Variants in TENM2 observed in about 807,000 individuals in gnomAD.
TENM2 encodes the protein teneurin transmembrane protein 2, also known as teneurin-2.
In TENM2, 52 loss-of-function variants were observed where a neutral mutation model predicts 245.2. The observed-to-expected ratio is 0.21, with a 90% confidence interval of 0.17 to 0.27. The LOEUF (loss-of-function observed/expected upper bound fraction) is 0.27, where lower values mean the gene tolerates loss of function less well. Ranked by LOEUF, TENM2 falls within the 10% of genes least tolerant of loss-of-function variation. The pLI is 1.00. For synonymous variants in TENM2, 1,363 were observed against 1,438.9 expected, an observed-to-expected ratio of 0.95 and a Z score of 1.19; for missense variants, 3,046 against 3,666.8, an observed-to-expected ratio of 0.83 and a Z score of 4.37.
At chr5:167,990,959 T>G (rs1370691719) in intron 4 of TENM2, among the ~76,000 whole-genome samples, 1 of 152,218 alleles carries the variant, frequency 6.6e-6, no homozygotes, top group African/African-American at 2.4e-5. Flanking sequence ...GTAGTAGGTC[T>G]GATTAGAGCT....
chr5:167,010,616 TATG>T, the TENM2 span, among the ~76,000 whole-genome samples: 1 of 152,232 alleles, frequency 6.6e-6, no homozygotes, highest in Non-Finnish European at 1.5e-5. Context: ...TCTGCCACGT[TATG>T]ATGATTTAGA....
In TENM2 at chr5:167,778,560, G is replaced by A. The variant is rs541801100; in HGVS notation, c.503-97426G>A. On this transcript the variant is annotated intron_variant, in intron 2 of 28. Coordinates refer to ENST00000518659, the Ensembl canonical transcript of TENM2. ...GTTTCAGCAAGAGTGTTAGTGGGAGGGGATAGAAAATTGAATTTCATATAG... is the reference window on the plus strand; with the variant it reads ...GTTTCAGCAAGAGTGTTAGTGGGAGAGGATAGAAAATTGAATTTCATATAG... Among the ~76,000 whole-genome samples the A allele has an allele frequency of 1.8e-4, 28 of 152,170 alleles. No individual in the cohort carries two copies. In the South Asian group the frequency reaches 4.8e-3, roughly 26 times the overall value.
chr5:168,071,794 A>G (rs1791032068), intron 7 of TENM2, among the ~76,000 whole-genome samples: 1 of 152,256 alleles, frequency 6.6e-6, no homozygotes, highest in Non-Finnish European at 1.5e-5. Context: ...AACAATAATA[A>G]CCATGAGAGC....
chr5:167,165,764 G>T, the TENM2 span, among the ~76,000 whole-genome samples: 1 of 152,168 alleles, frequency 6.6e-6, no homozygotes, highest in South Asian at 2.1e-4. Context: ...TGTCAGTGAA[G>T]ATAATAAGAC....
chr5:167,190,375 T>C, the TENM2 span, among the ~76,000 whole-genome samples: 2 of 152,154 alleles, frequency 1.3e-5, no homozygotes, highest in East Asian at 1.9e-4. Context: ...CTATGAAGCT[T>C]CGCATCCCCT....
the TENM2 span, among the ~76,000 whole-genome samples, chr5:167,029,761 A>G: frequency 6.6e-6 from 1 of 152,210 alleles, no homozygotes. Context: ...ACAACCTTGC[A>G]CACTTGACAC....
the TENM2 span, among the ~76,000 whole-genome samples, chr5:167,184,115 A>G: frequency 6.6e-6 from 1 of 152,350 alleles, no homozygotes; most frequent in East Asian, 1.9e-4. Context: ...TTCAAAGAGA[A>G]TTATACTAAT....
the TENM2 span, among the ~76,000 whole-genome samples, chr5:167,173,545 G>A: frequency 2.6e-5 from 4 of 152,134 alleles, no homozygotes; most frequent in African/African-American, 9.7e-5. Context: ...AAGCAAAGAT[G>A]ATTTTTATGA....
intron 1 of TENM2, among the ~76,000 whole-genome samples, chr5:167,326,135 T>G (rs1757061330): frequency 6.6e-6 from 1 of 152,088 alleles, no homozygotes; most frequent in Admixed American, 6.5e-5. Flanking sequence ...GTTCTCAGTA[T>G]AGCGCAGGGT....
intron 2 of TENM2, among the ~76,000 whole-genome samples, chr5:167,647,361 C>G (rs1780032020): frequency 6.6e-6 from 1 of 152,024 alleles, no homozygotes; most frequent in African/African-American, 2.4e-5. Context: ...GTGGCTCAAG[C>G]CTGTAAATCC....
chr5:167,377,023 A>T (rs1760790727), intron 2 of TENM2, among the ~76,000 whole-genome samples: 1 of 152,120 alleles, frequency 6.6e-6, no homozygotes, highest in Admixed American at 6.6e-5. Flanking sequence ...ATACAGAGTT[A>T]TTTATACATA....
chr5:167,824,518 G>A (rs10036294), intron 2 of TENM2, among the ~76,000 whole-genome samples: 33,079 of 152,092 alleles, frequency 0.22, 3,951 homozygotes, highest in East Asian at 0.39. Flanking sequence ...AAGCCAAGGG[G>A]CAGGGGTCTC....
intron 12 of TENM2, among the ~76,000 whole-genome samples, chr5:168,158,891 A>G (rs1237034317): frequency 7.0e-6 from 1 of 142,080 alleles, no homozygotes; most frequent in African/African-American, 2.6e-5. Flanking sequence ...ACACACACGT[A>G]TATATATACA....
At chr5:167,312,031 G>T (rs1340619747) in intron 1 of TENM2, among the ~76,000 whole-genome samples, 1 of 152,118 alleles carries the variant, frequency 6.6e-6, no homozygotes, top group African/African-American at 2.4e-5. Context: ...GCATCATGAG[G>T]ACTACATCCT....
intron 13 of TENM2, 108 bp downstream of exon 15, chr5:168,162,865 G>T: frequency 7.5e-7 from 1 of 1,335,750 alleles, no homozygotes; most frequent in Non-Finnish European, 1.0e-6. Flanking sequence ...ATTGTCAAAT[G>T]TTGTTGTAAC....
At chr5:167,134,499 A>G in the TENM2 span, among the ~76,000 whole-genome samples, 1 of 152,200 alleles carries the variant, frequency 6.6e-6, no homozygotes, top group Admixed American at 6.5e-5. Flanking sequence ...CACTCGTTAC[A>G]TTCTAGTTCT....
chr5:168,155,544 G>A (rs1317395370), intron 12 of TENM2, among the ~76,000 whole-genome samples: 8 of 151,994 alleles, frequency 5.3e-5, no homozygotes, highest in African/African-American at 1.2e-4. Flanking sequence ...CACTCAGCCC[G>A]TCCAATGTGG....
intron 9 of TENM2, among the ~76,000 whole-genome samples, chr5:168,104,802 C>G (rs1442036875): frequency 6.6e-6 from 1 of 152,168 alleles, no homozygotes; most frequent in African/African-American, 2.4e-5. Flanking sequence ...TGAAACTGAC[C>G]TGCCATGGAA....
chr5:168,072,651 C>A (rs976897277), intron 7 of TENM2, among the ~76,000 whole-genome samples: 1 of 152,126 alleles, frequency 6.6e-6, no homozygotes, highest in Non-Finnish European at 1.5e-5. Context: ...GGGTTTGAAT[C>A]TTATCTCTCC....
Sources: allele counts gnomAD v4.1 joint callset (sites outside exome capture counted in the v4.1 genomes callset), GRCh38; gene constraint gnomAD v4.1.1; transcripts MANE v1.5; gene names NCBI Gene and HGNC (gene_info 2026-07-23, HGNC 2026-07-21).